MEGF10: variants seen among roughly 807,000 people sequenced by gnomAD.
MEGF10 encodes multiple epidermal growth factor-like domains protein 10.
MEGF10 carries 86 observed loss-of-function variants against 147.5 expected under a neutral mutation model. That is an observed-to-expected ratio of 0.58 (90% CI 0.49 to 0.70). The LOEUF is 0.70. MEGF10 is among the 30% of genes least tolerant of loss of function. The probability of loss-of-function intolerance (pLI) is 0.00; values close to 1 mark genes in which losing one functional copy is unlikely to be tolerated. For missense variants in MEGF10, 1,329 were observed against 1,487.3 expected (o/e 0.89, Z 1.75); for synonymous variants, 478 against 525.5 (o/e 0.91, Z 1.24).
At chr5:127,443,850 G>A (rs1037927320) in intron 19 of MEGF10, among the ~76,000 whole-genome samples, 1 of 152,152 alleles carries the variant, frequency 6.6e-6, no homozygotes, top group Non-Finnish European at 1.5e-5. Flanking sequence ...ATGGACAGGT[G>A]GATTGTTTCC....
intron 1 of MEGF10, among the ~76,000 whole-genome samples, chr5:127,306,477 C>T (rs1407648376): frequency 6.6e-6 from 1 of 152,164 alleles, no homozygotes; most frequent in Non-Finnish European, 1.5e-5. Flanking sequence ...AAGTAAAACT[C>T]CAGGTAGAGC....
chr5:127,362,375 A>ATT (rs551189127), intron 4 of MEGF10, among the ~76,000 whole-genome samples: 1 of 113,666 alleles, frequency 8.8e-6, no homozygotes, highest in Non-Finnish European at 2.0e-5. Flanking sequence ...AAAAATTATT[A>ATT]TTTTTTTTTT....
Position 127,445,530 on chromosome 5 carries a change from G to A in MEGF10, c.2565G>A (p.Gln855=). ...CTGCTCTCCCTGCTGATTCCTACCA[G>A]ATCGGGGCCATTGCAGGCATCATCA... ...TSTALPADSY[Q]IGAIAGIIIL... The change falls in exon 20 of 25, where the codon CAG becomes CAA. Residue 855 remains glutamine (Q), a synonymous_variant. Transcript: ENST00000503335. 1 of 1,614,096 alleles carries A rather than the reference G, an allele frequency of 6.2e-7. No individual in the cohort carries two copies. The highest frequency in any genetic ancestry group is 2.2e-5 in the East Asian group (1 of 44,878).
chr5:127,299,633 A>C (rs369730438), intron 1 of MEGF10, among the ~76,000 whole-genome samples: 10 of 152,246 alleles, frequency 6.6e-5, no homozygotes, highest in Non-Finnish European at 1.2e-4. Context: ...TACTCCCTTT[A>C]TGAAAAAGTA....
chr5:127,353,611 T>C (rs917360913), intron 4 of MEGF10, among the ~76,000 whole-genome samples: 6 of 152,222 alleles, frequency 3.9e-5, no homozygotes, highest in African/African-American at 1.2e-4. Context: ...ACAAAGGAGA[T>C]GGCCAGGGGT....
At chr5:127,373,348 C>T (rs1356094769) in intron 5 of MEGF10, among the ~76,000 whole-genome samples, 1 of 152,146 alleles carries the variant, frequency 6.6e-6, no homozygotes, top group African/African-American at 2.4e-5. Flanking sequence ...GACGGGGTTT[C>T]ACCATATTGC....
At chr5:127,268,198 G>A in the MEGF10 span, among the ~76,000 whole-genome samples, 1 of 152,170 alleles carries the variant, frequency 6.6e-6, no homozygotes, top group Non-Finnish European at 1.5e-5. Context: ...TCAGGAGCAG[G>A]TTGTTCAGTT....
chr5:127,347,664 T>C (rs753519729), intron 4 of MEGF10, among the ~76,000 whole-genome samples: 20 of 151,964 alleles, frequency 1.3e-4, no homozygotes, highest in Non-Finnish European at 2.8e-4. Flanking sequence ...CTAAGTGGAG[T>C]GCACATGACC....
At chr5:127,311,768 C>T (rs1381268781) in intron 1 of MEGF10, among the ~76,000 whole-genome samples, 3 of 152,108 alleles carry the variant, frequency 2.0e-5, no homozygotes, top group Admixed American at 6.6e-5. Flanking sequence ...TTGAAGAAGT[C>T]GGAGAATAGT....
At position 127,457,179 on chromosome 5, in the gene MEGF10, C is replaced by T; in HGVS notation, c.3284C>T (p.Ser1095Phe). 6.2e-7 allele frequency: 1 copy of T among 1,614,102 alleles called. No individual in the cohort carries two copies. The highest frequency in any genetic ancestry group is 8.5e-7 in the Non-Finnish European group (1 of 1,179,996). Residue 1095 changes from serine to phenylalanine, a missense_variant, in exon 25 of 25, where the codon TCC (serine) becomes TTC (phenylalanine). Physicochemically the swap from Ser to Phe is radical, Grantham distance 155. This residue lies in a region of MEGF10 where 343 missense variants were observed against 377.9 expected (regional missense o/e 0.91). Transcript: ENST00000503335. ...GTATTCAGCAATAATGGGCGTCTCT[C>T]CCAGGATCCATATGACCTCCCAAAG... ...QGVFSNNGRL[S>F]QDPYDLPKNS...
At chr5:127,393,810 G>GT (rs11414651) in intron 5 of MEGF10, among the ~76,000 whole-genome samples, 24,159 of 147,514 alleles carry the variant, frequency 0.16, 1,984 homozygotes, top group African/African-American at 0.21. Flanking sequence ...TATCTTCAAA[G>GT]TTTTTTTTTT....
At chr5:127,327,714 CT>C (rs11285616) in intron 1 of MEGF10, among the ~76,000 whole-genome samples, 86,329 of 122,756 alleles carry the variant, frequency 0.7, 30,182 homozygotes, top group African/African-American at 0.87. Context: ...CTTTTCTTTT[CT>C]TTTTTTTTTT....
chr5:127,307,990 T>G (rs1357050167), intron 1 of MEGF10, among the ~76,000 whole-genome samples: 2 of 152,174 alleles, frequency 1.3e-5, no homozygotes, highest in African/African-American at 4.8e-5. Context: ...TGTCCCCTCA[T>G]GGAGCAGTTG....
At chr5:127,371,185 CTGGGACTG>C (rs1394347288) in intron 5 of MEGF10, among the ~76,000 whole-genome samples, 1 of 132,728 alleles carries the variant, frequency 7.5e-6, no homozygotes, top group Non-Finnish European at 1.6e-5. Flanking sequence ...TAAACAGGGA[CTGGGACTG>C]TGTGTGTGTG....
At chr5:127,248,405 A>T in the MEGF10 span, among the ~76,000 whole-genome samples, 1 of 152,102 alleles carries the variant, frequency 6.6e-6, no homozygotes, top group African/African-American at 2.4e-5. Context: ...ATAGAAAGAG[A>T]TCCTGAGATG....
At chr5:127,233,253 C>G in the MEGF10 span, among the ~76,000 whole-genome samples, 2 of 152,192 alleles carry the variant, frequency 1.3e-5, no homozygotes, top group Non-Finnish European at 2.9e-5. Context: ...GTCTTCTTCC[C>G]CAGGTTCTGC....
At chr5:127,355,819 C>T (rs1762258919) in intron 4 of MEGF10, among the ~76,000 whole-genome samples, 1 of 151,664 alleles carries the variant, frequency 6.6e-6, no homozygotes, top group African/African-American at 2.4e-5. Context: ...TAGCCTCAAT[C>T]TAAACAGAAG....
the MEGF10 span, among the ~76,000 whole-genome samples, chr5:127,272,320 G>C: frequency 6.6e-6 from 1 of 152,128 alleles, no homozygotes; most frequent in Non-Finnish European, 1.5e-5. Flanking sequence ...CCAGTACCAT[G>C]CTGTTTTGGT....
intron 5 of MEGF10, among the ~76,000 whole-genome samples, chr5:127,373,145 T>C (rs1762903344): frequency 6.6e-6 from 1 of 152,144 alleles, no homozygotes; most frequent in Non-Finnish European, 1.5e-5. Flanking sequence ...GCTTTGGCCA[T>C]TGTGTCTTTT....
Sources: gnomAD v4.1 joint callset for allele counts (sites outside exome capture counted in the v4.1 genomes callset) on GRCh38, gnomAD v4.1.1 for gene constraint, gnomAD v4.1.1 regional missense constraint, MANE v1.5 for transcripts, NCBI Gene and HGNC (gene_info 2026-07-23, HGNC 2026-07-21) for gene names.